The following XPNPEP3 variants were observed in gnomAD, a reference collection of about 807,000 sequenced individuals.
The protein encoded by XPNPEP3 is X-prolyl aminopeptidase 3.
A neutral mutation model predicts 60.0 loss-of-function variants in XPNPEP3; 41 were observed. That is an observed-to-expected ratio of 0.68 (90% CI 0.53 to 0.89). The LOEUF (loss-of-function observed/expected upper bound fraction) is 0.89. XPNPEP3 is among the 40% of genes least tolerant of loss of function. XPNPEP3 has a pLI of 0.00. For missense variants in XPNPEP3, 598 were observed against 638.9 expected (o/e 0.94, Z 0.69); for synonymous variants, 212 against 223.2 (o/e 0.95, Z 0.45).
chr22:40,922,016 C>G (rs1319053777), intron 7 of XPNPEP3, among the ~76,000 whole-genome samples: 1 of 151,750 alleles, frequency 6.6e-6, no homozygotes, highest in Non-Finnish European at 1.5e-5. Context: ...AGGGATTAAA[C>G]AGGATCATGG....
chr22:40,932,201 A>C lies in XPNPEP3; in HGVS notation c.*5766A>C, dbSNP rs1201101605. On this transcript the variant is annotated 3_prime_UTR_variant, in exon 10 of 10. Coordinates refer to ENST00000357137, the MANE Select transcript of XPNPEP3 (RefSeq NM_022098.4). ...TAAAACAGAATTTGAGTTAGAACCTATCTGCTGTCCCTCAACTAGTGTCTG... is the reference window on the plus strand; with the variant it reads ...TAAAACAGAATTTGAGTTAGAACCTCTCTGCTGTCCCTCAACTAGTGTCTG... The C allele has an allele frequency of 1.3e-5, 2 of 152,178 alleles. No homozygotes were observed. Among genetic ancestry groups the C allele is most frequent in the South Asian group, 2.1e-4 (1 of 4,826 alleles). 9.4% of individuals were successfully genotyped at this position (152,178 alleles called of 1,614,324 possible).
intron 6 of XPNPEP3, among the ~76,000 whole-genome samples, chr22:40,912,845 T>C: frequency 6.6e-6 from 1 of 152,106 alleles, no homozygotes; most frequent in South Asian, 2.1e-4. Flanking sequence ...ACTCCAGCTC[T>C]GGGCAATAGA....
At chr22:40,886,554 G>A (rs148023469) in intron 4 of XPNPEP3, 39 bp downstream of exon 4, 18,910 of 1,596,214 alleles carry the variant, frequency 0.012, 157 homozygotes, top group Non-Finnish European at 0.014. Flanking sequence ...AGCCGGGCGC[G>A]GTGGCTCACG....
chr22:40,890,988 A>G (rs922225234), intron 4 of XPNPEP3, among the ~76,000 whole-genome samples: 5 of 152,098 alleles, frequency 3.3e-5, no homozygotes, highest in Non-Finnish European at 5.9e-5. Flanking sequence ...ATCAGAGGTC[A>G]TATCTCTGCT....
intron 5 of XPNPEP3, among the ~76,000 whole-genome samples, chr22:40,908,650 C>T (rs1213889504): frequency 1.1e-4 from 17 of 152,164 alleles, no homozygotes; most frequent in African/African-American, 7.2e-5. Context: ...TTTTCCAGAG[C>T]ATTTAGATTT....
intron 1 of XPNPEP3, among the ~76,000 whole-genome samples, chr22:40,858,698 A>G (rs561127046): frequency 6.6e-5 from 10 of 151,962 alleles, no homozygotes; most frequent in African/African-American, 2.2e-4. Context: ...CGCCTGGCTA[A>G]TTTATGTGTT....
chr22:40,886,655 C>A (rs968549457), intron 4 of XPNPEP3, 140 bp downstream of exon 4: 62 of 744,084 alleles, frequency 8.3e-5, no homozygotes, highest in Admixed American at 2.6e-4. Context: ...GAAACCCCGT[C>A]TCTACTAAAA....
chr22:40,902,034 G>T (rs1320581591), intron 4 of XPNPEP3, among the ~76,000 whole-genome samples: 1 of 150,584 alleles, frequency 6.6e-6, no homozygotes, highest in Non-Finnish European at 1.5e-5. Flanking sequence ...AATCAAGAAT[G>T]AATTAGGTGT....
chr22:40,891,745 C>G (rs2058089407), intron 4 of XPNPEP3, among the ~76,000 whole-genome samples: 1 of 152,052 alleles, frequency 6.6e-6, no homozygotes, highest in African/African-American at 2.4e-5. Context: ...ACAGAAAACA[C>G]TAGTCCTGTT....
chr22:40,870,865 C>T lies in XPNPEP3; in HGVS notation c.181+1750C>T, dbSNP rs757395814. ...GAAATCCTGTCTCTACTAAAAATACCCCCCAAAAAAAAAATTAGCCGGGTG... is the reference window on the plus strand; with the variant it reads ...GAAATCCTGTCTCTACTAAAAATACTCCCCAAAAAAAAAATTAGCCGGGTG... On this transcript the variant is annotated intron_variant, in intron 2 of 9. Transcript: ENST00000357137. Among the ~76,000 whole-genome samples, 102 of 151,480 alleles carry T rather than the reference C, an allele frequency of 6.7e-4. No homozygotes were observed. In the Middle Eastern group the frequency reaches 0.014, roughly 20 times the overall value.
intron 1 of XPNPEP3, chr22:40,860,540 C>A: frequency 1.3e-6 from 1 of 786,166 alleles, no homozygotes; most frequent in Non-Finnish European, 1.8e-6. Context: ...TCTTCTAATG[C>A]TATGCATGTT....
intron 6 of XPNPEP3, among the ~76,000 whole-genome samples, chr22:40,912,112 C>T (rs901833012): frequency 1.3e-5 from 2 of 151,960 alleles, no homozygotes; most frequent in African/African-American, 4.8e-5. Context: ...TTTATGTTAA[C>T]ATGTAATGGG....
intron 6 of XPNPEP3, among the ~76,000 whole-genome samples, chr22:40,913,197 G>A (rs929156788): frequency 2.0e-5 from 3 of 151,902 alleles, no homozygotes; most frequent in African/African-American, 4.8e-5. Context: ...GGGGCCTGGC[G>A]CGGTGGCTCA....
chr22:40,902,919 A>G (rs2058140333), intron 4 of XPNPEP3, among the ~76,000 whole-genome samples: 1 of 152,228 alleles, frequency 6.6e-6, no homozygotes, highest in South Asian at 2.1e-4. Context: ...CTCACAGACC[A>G]GGAACCAGTG....
intron 1 of XPNPEP3, among the ~76,000 whole-genome samples, chr22:40,857,905 T>C (rs1309939118): frequency 6.6e-6 from 1 of 152,236 alleles, no homozygotes; most frequent in Non-Finnish European, 1.5e-5. Flanking sequence ...GAACGTATGG[T>C]ATTTGACATC....
intron 4 of XPNPEP3, among the ~76,000 whole-genome samples, chr22:40,897,008 T>G (rs1162470253): frequency 2.0e-5 from 3 of 151,684 alleles, no homozygotes; most frequent in Non-Finnish European, 4.4e-5. Flanking sequence ...CCATTGTATG[T>G]ATAGACAATG....
chr22:40,886,246 T>C (rs572162302), intron 3 of XPNPEP3, 67 bp from the exon 4 acceptor site: 20 of 1,516,806 alleles, frequency 1.3e-5, no homozygotes, highest in East Asian at 2.3e-5. Context: ...CAAGTCGTTA[T>C]GACAGTTGAT....
At chr22:40,914,144 GAAAAAA>G (rs35631136) in intron 6 of XPNPEP3, 89 bp from the exon 7 acceptor site, 17 of 833,230 alleles carry the variant, frequency 2.0e-5, no homozygotes, top group Non-Finnish European at 3.1e-5. Context: ...CTCCGTCTCA[GAAAAAA>G]AAAAAAAAAA....
At position 40,926,357 on chromosome 22, in the gene XPNPEP3, G is replaced by A; in HGVS notation, c.1446G>A (p.Gln482=). Residue 482 remains glutamine, a synonymous_variant, in exon 10 of 10, where the codon CAG becomes CAA. Transcript: ENST00000357137. ...VRIEDDVVVT[Q]DSPLILSADC... is the part of the protein sequence containing the mutation. ...TTGAGGATGATGTAGTGGTGACTCAGGACTCACCTCTCATCCTTTCTGCAG... is the reference window on the plus strand; with the variant it reads ...TTGAGGATGATGTAGTGGTGACTCAAGACTCACCTCTCATCCTTTCTGCAG... 1.2e-6 allele frequency: 2 copies of A among 1,613,998 alleles called. No homozygotes were observed. The highest frequency in any genetic ancestry group is 2.2e-5 in the East Asian group (1 of 44,876).
Sources: allele counts gnomAD v4.1 joint callset (sites outside exome capture counted in the v4.1 genomes callset), GRCh38; gene constraint gnomAD v4.1.1; transcripts MANE v1.5; gene names NCBI Gene and HGNC (gene_info 2026-07-23, HGNC 2026-07-21).